RSF1: variants seen among roughly 807,000 people sequenced by gnomAD.
The protein encoded by RSF1 is HBV pX-associated protein 8.
RSF1 carries 13 observed loss-of-function variants against 145.2 expected under a neutral mutation model. The observed-to-expected ratio is 0.09, with a 90% CI of 0.06 to 0.14. The LOEUF (loss-of-function observed/expected upper bound fraction) is 0.14, where lower values mean the gene tolerates loss of function less well. RSF1 is among the 10% of genes least tolerant of loss of function. RSF1 has a pLI of 1.00. For synonymous variants in RSF1, 577 were observed against 592.6 expected, an observed-to-expected ratio of 0.97 and a Z score of 0.38; for missense variants, 1,517 against 1,718.2, an observed-to-expected ratio of 0.88 and a Z score of 2.07.
the RSF1 span, among the ~76,000 whole-genome samples, chr11:77,864,352 AT>A: frequency 6.6e-6 from 1 of 151,492 alleles, no homozygotes; most frequent in African/African-American, 2.4e-5. Context: ...GGCAGGGAGA[AT>A]CGCTTGAACC....
At chr11:77,845,782 T>C in the RSF1 span, among the ~76,000 whole-genome samples, 2 of 152,174 alleles carry the variant, frequency 1.3e-5, no homozygotes. Flanking sequence ...TGATATTTTT[T>C]ATTTGGTAAG....
At chr11:77,837,842 C>T in the RSF1 span, among the ~76,000 whole-genome samples, 2 of 152,030 alleles carry the variant, frequency 1.3e-5, no homozygotes, top group Non-Finnish European at 2.9e-5. Flanking sequence ...ATTGCTTGAG[C>T]CCAGGATTTG....
chr11:77,803,210 C>T (rs1948643852), intron 1 of RSF1, among the ~76,000 whole-genome samples: 1 of 152,068 alleles, frequency 6.6e-6, no homozygotes, highest in Non-Finnish European at 1.5e-5. Context: ...TGCAGTGGCA[C>T]AACCATGGCT....
intron 5 of RSF1, among the ~76,000 whole-genome samples, chr11:77,716,715 T>C (rs1960818414): frequency 6.6e-6 from 1 of 152,192 alleles, no homozygotes; most frequent in Admixed American, 6.5e-5. Context: ...TACAACAACG[T>C]ACTGTATACC....
intron 1 of RSF1, among the ~76,000 whole-genome samples, chr11:77,778,455 G>C (rs1214286290): frequency 6.6e-6 from 1 of 151,962 alleles, no homozygotes; most frequent in Non-Finnish European, 1.5e-5. Flanking sequence ...ATAATATAAG[G>C]TTATCAAACA....
At chr11:77,781,909 ACTC>A (rs1166607381) in intron 1 of RSF1, among the ~76,000 whole-genome samples, 1 of 152,056 alleles carries the variant, frequency 6.6e-6, no homozygotes, top group Non-Finnish European at 1.5e-5. Context: ...ATTATGAAAC[ACTC>A]CTATCTATTT....
At chr11:77,741,552 AT>A (rs112909497) in intron 3 of RSF1, among the ~76,000 whole-genome samples, 21,443 of 149,706 alleles carry the variant, frequency 0.14, 1,723 homozygotes, top group Admixed American at 0.2. Flanking sequence ...AAAATGTTTC[AT>A]TTTTTTTTTA....
chr11:77,872,183 A>T, the RSF1 span: 1 of 1,612,734 alleles, frequency 6.2e-7, no homozygotes, highest in South Asian at 1.1e-5. Flanking sequence ...AGGTGCCTTC[A>T]TCAACTGTGG....
At chr11:77,688,416 G>C (rs1468447134) in intron 9 of RSF1, among the ~76,000 whole-genome samples, 1 of 152,182 alleles carries the variant, frequency 6.6e-6, no homozygotes, top group Non-Finnish European at 1.5e-5. Flanking sequence ...AGGATAAACA[G>C]ATTTGAGCAA....
intron 11 of RSF1, among the ~76,000 whole-genome samples, chr11:77,678,712 A>G (rs944159670): frequency 6.6e-6 from 1 of 152,100 alleles, no homozygotes; most frequent in African/African-American, 2.4e-5. Context: ...CTTCCACCAT[A>G]TGGGGTTACA....
the RSF1 span, among the ~76,000 whole-genome samples, chr11:77,826,755 A>G: frequency 3.0e-4 from 45 of 152,200 alleles, no homozygotes; most frequent in Non-Finnish European, 5.9e-5. Context: ...AACATGAACT[A>G]TGGAAACTCA....
chr11:77,824,807 TA>T (rs1375773112), upstream of RSF1, among the ~76,000 whole-genome samples: 4 of 152,230 alleles, frequency 2.6e-5, no homozygotes, highest in Non-Finnish European at 4.4e-5. Context: ...TTGAACTCTA[TA>T]AACACTGCAT....
At chr11:77,691,287 C>T in intron 8 of RSF1, 49 bp from the exon 9 acceptor site, 1 of 1,497,342 alleles carries the variant, frequency 6.7e-7, no homozygotes, top group Non-Finnish European at 9.3e-7. Context: ...TTTTAGCAAT[C>T]ATTTATTACA....
At chr11:77,841,001 T>C in the RSF1 span, 14 of 515,306 alleles carry the variant, frequency 2.7e-5, no homozygotes, top group Non-Finnish European at 4.8e-5. Context: ...ATAATGAAAA[T>C]AATTTTTTTT....
At chr11:77,746,307 G>C (rs1947999712) in intron 3 of RSF1, among the ~76,000 whole-genome samples, 1 of 151,886 alleles carries the variant, frequency 6.6e-6, no homozygotes, top group Admixed American at 6.6e-5. Context: ...TTCTGTGTAG[G>C]CTCCAACAGC....
chr11:77,827,270 A>G, the RSF1 span, among the ~76,000 whole-genome samples: 12 of 152,232 alleles, frequency 7.9e-5, no homozygotes, highest in Non-Finnish European at 1.6e-4. Context: ...ACTAGAAGAG[A>G]GGGAACACTT....
At chr11:77,813,646 C>T (rs774446824) in intron 1 of RSF1, 53 of 581,590 alleles carry the variant, frequency 9.1e-5, no homozygotes, top group Non-Finnish European at 1.4e-4. Context: ...TCCAGCTCCA[C>T]GCGTGTTTTT....
At chr11:77,795,007 CA>C (rs1448402553) in intron 1 of RSF1, among the ~76,000 whole-genome samples, 1 of 151,708 alleles carries the variant, frequency 6.6e-6, no homozygotes, top group Non-Finnish European at 1.5e-5. Flanking sequence ...CCGCAAGAGA[CA>C]AAAATCAACA....
chr11:77,693,202 C>A (rs1960199945), intron 8 of RSF1, among the ~76,000 whole-genome samples: 1 of 152,080 alleles, frequency 6.6e-6, no homozygotes, highest in Admixed American at 6.5e-5. Context: ...CAAAGTGATA[C>A]ATAGGAAGAA....
Sources: allele counts gnomAD v4.1 joint callset (sites outside exome capture counted in the v4.1 genomes callset), GRCh38; gene constraint gnomAD v4.1.1; transcripts MANE v1.5; gene names NCBI Gene and HGNC (gene_info 2026-07-23, HGNC 2026-07-21).